The following RYR3 variants were observed in gnomAD, a reference collection of about 807,000 sequenced individuals.
RYR3 encodes ryanodine receptor 3, also known as brain ryanodine receptor-calcium release channel.
RYR3 carries 207 observed loss-of-function variants against 584.3 expected under a neutral mutation model. That is an observed-to-expected ratio of 0.35 (90% CI 0.32 to 0.40). The LOEUF is 0.40. Among genes scored for constraint, RYR3 ranks in the 10% least tolerant of loss-of-function variants. The pLI, the probability that RYR3 is intolerant of heterozygous loss-of-function variation, is 1.00. For missense variants in RYR3, 5,616 were observed against 6,089.2 expected, an observed-to-expected ratio of 0.92 and a Z score of 2.59; for synonymous variants, 2,416 against 2,248.5, an observed-to-expected ratio of 1.07 and a Z score of -2.11.
intron 12 of RYR3, among the ~76,000 whole-genome samples, chr15:33,568,418 T>G (rs2057832131): frequency 6.6e-6 from 1 of 152,214 alleles, no homozygotes; most frequent in African/African-American, 2.4e-5. Context: ...GAGGTAGAAT[T>G]TACATATTAC....
chr15:33,670,570 C>T lies in RYR3; in HGVS notation c.5860+14C>T. 6.5e-7 allele frequency: 1 copy of T among 1,550,046 alleles called. No individual in the cohort carries two copies. The highest frequency in any genetic ancestry group is 8.7e-7 in the Non-Finnish European group (1 of 1,155,684). ...AGAGATGCCCCAGTAAGTGACATTG[C>T]CTTTAAATGACAGTGTGCTCTTCTA... On this transcript the variant is annotated intron_variant, in intron 38 of 103. Coordinates refer to ENST00000634891, the MANE Select transcript of RYR3 (RefSeq NM_001036.6).
At chr15:33,338,829 A>G (rs1238109179) in intron 1 of RYR3, among the ~76,000 whole-genome samples, 1 of 152,216 alleles carries the variant, frequency 6.6e-6, no homozygotes, top group Non-Finnish European at 1.5e-5. Flanking sequence ...TTTCATGAAC[A>G]TAATGGTGAC....
At chr15:33,356,214 C>T (rs1973958881) in intron 1 of RYR3, among the ~76,000 whole-genome samples, 2 of 152,142 alleles carry the variant, frequency 1.3e-5, no homozygotes, top group African/African-American at 4.8e-5. Flanking sequence ...ATACCTCTGG[C>T]AATCTTTATA....
chr15:33,855,904 C>T (rs1412700070), intron 98 of RYR3: 1 of 152,140 alleles, frequency 6.6e-6, no homozygotes, highest in Non-Finnish European at 1.5e-5. Flanking sequence ...TTTAGCATTT[C>T]ATTCCTCATT....
At chr15:33,645,842 C>A (rs2062072150) in intron 28 of RYR3, among the ~76,000 whole-genome samples, 2 of 152,034 alleles carry the variant, frequency 1.3e-5, no homozygotes, top group Non-Finnish European at 2.9e-5. Flanking sequence ...CCAGGAGCCT[C>A]AGCCTTCAGG....
intron 98 of RYR3, chr15:33,856,106 C>G (rs545766189): frequency 1.1e-4 from 16 of 152,320 alleles, no homozygotes; most frequent in African/African-American, 3.9e-4. Flanking sequence ...CTCAGAGCAG[C>G]TAAATGTCTC....
At chr15:33,837,471 G>T (rs959155821) in intron 88 of RYR3, among the ~76,000 whole-genome samples, 160 bp from the exon 89 acceptor site, 2 of 152,222 alleles carry the variant, frequency 1.3e-5, no homozygotes, top group Non-Finnish European at 2.9e-5. Flanking sequence ...GCTCCTAGTG[G>T]TGTAGTCTTT....
At chr15:33,410,418 T>C (rs1282864167) in intron 1 of RYR3, among the ~76,000 whole-genome samples, 1 of 152,228 alleles carries the variant, frequency 6.6e-6, no homozygotes, top group Non-Finnish European at 1.5e-5. Flanking sequence ...CGTGTCAAGA[T>C]GTTGAAAATG....
chr15:33,575,905 C>T (rs2058277628), intron 12 of RYR3, among the ~76,000 whole-genome samples: 1 of 151,410 alleles, frequency 6.6e-6, no homozygotes, highest in Non-Finnish European at 1.5e-5. Flanking sequence ...CAAATAGACA[C>T]AATAAAAAAT....
chr15:33,669,914 T>TAAG (rs2063742155), intron 37 of RYR3, among the ~76,000 whole-genome samples: 1 of 143,182 alleles, frequency 7.0e-6, no homozygotes, highest in Non-Finnish European at 1.5e-5. Context: ...TTTAGTAACT[T>TAAG]CTGCCCTTAA....
chr15:33,657,951 T>C (rs1356428243), intron 32 of RYR3, among the ~76,000 whole-genome samples: 3 of 152,246 alleles, frequency 2.0e-5, no homozygotes, highest in Non-Finnish European at 4.4e-5. Flanking sequence ...GTAACTCTTA[T>C]GTCTAAATAC....
Position 33,838,743 on chromosome 15 carries a change from G to T in RYR3, c.12763G>T (p.Val4255Leu), listed in dbSNP as rs768353999. ...CACTATGGAGGCTGAGAGGGCAGAG[G>T]TGATGGAGCCAGGTATCACCACTGA... Reference protein sequence around the residue: ...DDTMEAERAEVMEPGITTELV... With the variant: ...DDTMEAERAELMEPGITTELV... Residue 4255 changes from valine to leucine, a missense_variant, in exon 89 of 104, where the codon GTG becomes TTG. Physicochemically the swap from Val to Leu is conservative, Grantham distance 32. Around this residue, in one of 9 missense-constraint regions of RYR3, gnomAD observed 918 missense variants for 887.4 expected, o/e 1.03. Transcript: ENST00000634891. 1.2e-6 allele frequency: 2 copies of T among 1,613,852 alleles called. No homozygotes were observed. Among genetic ancestry groups the T allele is most frequent in the Admixed American group, 3.3e-5 (2 of 60,002 alleles).
chr15:33,670,452 AGGACACCTCCT>A lies in RYR3; in HGVS notation c.5762_5772del (p.Thr1921ArgfsTer67). The A allele has an allele frequency of 6.2e-7, 1 of 1,613,558 alleles. No individual in the cohort carries two copies. The highest frequency in any genetic ancestry group is 8.5e-7 in the Non-Finnish European group (1 of 1,179,616). On this transcript the variant is annotated frameshift_variant, in exon 38 of 104. Coordinates refer to ENST00000634891, the MANE Select transcript of RYR3 (RefSeq NM_001036.6). LOFTEE classifies it high-confidence loss of function. ...TTGGAAGAAGAGGAAGAGGAGGAGG[AGGACACCTCCT>A]GGACAGGAAAACTCTGTGCCTTGGT... is the stretch of plus-strand genomic sequence containing the variant.
chr15:33,778,808 G>C (rs553596971), intron 64 of RYR3, among the ~76,000 whole-genome samples: 63 of 152,344 alleles, frequency 4.1e-4, no homozygotes, highest in Admixed American at 1.2e-3. Flanking sequence ...GGACAAGACT[G>C]AGCCATCAGC....
chr15:33,462,278 C>T (rs1057329364), intron 1 of RYR3, among the ~76,000 whole-genome samples: 1 of 152,118 alleles, frequency 6.6e-6, no homozygotes, highest in Admixed American at 6.5e-5. Flanking sequence ...TTACTGACAA[C>T]ATGTCAGTAA....
intron 67 of RYR3, among the ~76,000 whole-genome samples, chr15:33,789,986 C>CCTTTTTT (rs2075049995): frequency 4.9e-4 from 26 of 53,250 alleles, no homozygotes; most frequent in Non-Finnish European, 6.3e-4. Flanking sequence ...GCCTGGCCTT[C>CCTTTTTT]TTTTTTTTTT....
At chr15:33,788,595 C>A in intron 67 of RYR3, 137 bp downstream of exon 67, 3 of 931,114 alleles carry the variant, frequency 3.2e-6, no homozygotes, top group Non-Finnish European at 4.8e-6. Context: ...TTCTCCTTCC[C>A]AACACCAATG....
intron 1 of RYR3, among the ~76,000 whole-genome samples, chr15:33,451,537 A>T (rs2047131408): frequency 6.6e-6 from 1 of 152,054 alleles, no homozygotes. Flanking sequence ...GGTTATGTTA[A>T]CTCCAGAATT....
chr15:33,583,281 A>G (rs1180246342), intron 14 of RYR3, among the ~76,000 whole-genome samples: 1 of 152,224 alleles, frequency 6.6e-6, no homozygotes. Context: ...ACATGTTGCT[A>G]TTATTCATCC....
Sources: gnomAD v4.1 joint callset for allele counts (sites outside exome capture counted in the v4.1 genomes callset) on GRCh38, gnomAD v4.1.1 for gene constraint, gnomAD v4.1.1 regional missense constraint, MANE v1.5 for transcripts, NCBI Gene and HGNC (gene_info 2026-07-23, HGNC 2026-07-21) for gene names.